PDE10A: variants seen among roughly 807,000 people sequenced by gnomAD.
The protein encoded by PDE10A is phosphodiesterase 10A, also known as cAMP and cAMP-inhibited cGMP 3',5'-cyclic phosphodiesterase 10A.
In PDE10A, 39 loss-of-function variants were observed where a neutral mutation model predicts 97.7. That is an observed-to-expected ratio of 0.40 (90% CI 0.31 to 0.52). The LOEUF (loss-of-function observed/expected upper bound fraction) is 0.52. PDE10A is among the 20% of genes least tolerant of loss of function. PDE10A has a pLI of 0.56. For synonymous variants in PDE10A, 371 were observed against 376.8 expected, an observed-to-expected ratio of 0.98 and a Z score of 0.18; for missense variants, 731 against 1,047.8, an observed-to-expected ratio of 0.70 and a Z score of 4.17.
chr6:165,936,580 G>A (rs541198052), intron 1 of PDE10A, among the ~76,000 whole-genome samples: 3 of 152,310 alleles, frequency 2.0e-5, no homozygotes, highest in African/African-American at 7.2e-5. Context: ...TGTGTGGTGA[G>A]GGGAGCTGCC....
At chr6:165,599,129 G>A (rs1440032154) in intron 1 of PDE10A, among the ~76,000 whole-genome samples, 2 of 152,134 alleles carry the variant, frequency 1.3e-5, no homozygotes, top group African/African-American at 4.8e-5. Flanking sequence ...AATTTTAAAG[G>A]AAATAATCCT....
intron 18 of PDE10A, among the ~76,000 whole-genome samples, chr6:165,344,555 C>T (rs902219996): frequency 6.6e-6 from 1 of 152,150 alleles, no homozygotes; most frequent in Admixed American, 6.5e-5. Flanking sequence ...CCCTAGCTCC[C>T]GAGCCTGTCT....
intron 1 of PDE10A, among the ~76,000 whole-genome samples, chr6:165,943,279 GAAAGAAAGAAA>G (rs1783629435): frequency 8.1e-6 from 1 of 123,814 alleles, no homozygotes; most frequent in African/African-American, 3.5e-5. Flanking sequence ...AGGAAGGAAA[GAAAGAAAGAAA>G]GAAGGAAAGA....
Position 165,538,021 on chromosome 6 carries a change from C to A in PDE10A, c.994+5419G>T, listed in dbSNP as rs922141822. Among the ~76,000 whole-genome samples, 8 of 151,934 alleles carry A rather than the reference C, an allele frequency of 5.3e-5. No individual in the cohort carries two copies. In the East Asian group the frequency reaches 1.5e-3, roughly 29 times the overall value. On this transcript the variant is annotated intron_variant, in intron 2 of 21. Transcript: ENST00000539869. ...AATTTATGCCCCATTAATTTAATAT[C>A]CTTCTTCCGTATATATACTAGCACA... is the stretch of plus-strand genomic sequence containing the variant.
upstream of PDE10A, among the ~76,000 whole-genome samples, chr6:165,664,647 G>A (rs551109942): frequency 6.6e-5 from 10 of 152,258 alleles, no homozygotes; most frequent in South Asian, 2.1e-3. Context: ...CCAGGCTGCC[G>A]GCAGCCTCCC....
At chr6:165,779,818 C>T (rs1213275234) in intron 1 of PDE10A, among the ~76,000 whole-genome samples, 4 of 152,150 alleles carry the variant, frequency 2.6e-5, no homozygotes, top group Non-Finnish European at 2.9e-5. Flanking sequence ...CTTCTTCCCA[C>T]GTGGCCATGG....
At chr6:165,705,105 G>T (rs941806741) in intron 1 of PDE10A, among the ~76,000 whole-genome samples, 3 of 152,232 alleles carry the variant, frequency 2.0e-5, no homozygotes, top group African/African-American at 7.2e-5. Context: ...GCACACCCAG[G>T]GGACACCTGG....
chr6:165,380,697 T>C (rs1414121292), intron 17 of PDE10A, among the ~76,000 whole-genome samples: 2 of 152,204 alleles, frequency 1.3e-5, no homozygotes, highest in Admixed American at 6.5e-5. Flanking sequence ...CGTTTGAGCA[T>C]AGGCTGGTTA....
At chr6:165,672,813 C>T (rs181889358) in intron 1 of PDE10A, among the ~76,000 whole-genome samples, 41 of 152,266 alleles carry the variant, frequency 2.7e-4, no homozygotes, top group African/African-American at 6.7e-4. Flanking sequence ...ATCGTGAAAA[C>T]GGACTAACAC....
chr6:165,659,136 C>T (rs1473978334), intron 1 of PDE10A, among the ~76,000 whole-genome samples: 2 of 152,118 alleles, frequency 1.3e-5, no homozygotes, highest in South Asian at 2.1e-4. Flanking sequence ...TGGACAGAAG[C>T]GGAGCTGGCA....
chr6:165,761,539 C>T (rs1257993342), intron 1 of PDE10A, among the ~76,000 whole-genome samples: 4 of 152,014 alleles, frequency 2.6e-5, no homozygotes, highest in African/African-American at 9.7e-5. Flanking sequence ...AGAAGCCTGG[C>T]TTTTTCTTTA....
At chr6:165,515,533 T>TC (rs1781749334) in intron 2 of PDE10A, among the ~76,000 whole-genome samples, 1 of 148,572 alleles carries the variant, frequency 6.7e-6, no homozygotes, top group African/African-American at 2.5e-5. Flanking sequence ...CTTTTTTTTT[T>TC]TTTTTTTTGA....
At chr6:165,907,145 G>T (rs1245705245) in intron 1 of PDE10A, among the ~76,000 whole-genome samples, 1 of 152,256 alleles carries the variant, frequency 6.6e-6, no homozygotes, top group African/African-American at 2.4e-5. Flanking sequence ...ATATGTAGCA[G>T]GAGACTATTC....
intron 1 of PDE10A, among the ~76,000 whole-genome samples, chr6:165,582,093 T>C (rs563012568): frequency 2.6e-5 from 4 of 152,246 alleles, no homozygotes; most frequent in Admixed American, 1.3e-4. Context: ...ATAAGAACAG[T>C]TGAAGATAAA....
intron 5 of PDE10A, among the ~76,000 whole-genome samples, chr6:165,437,105 T>C (rs1316423986): frequency 1.3e-5 from 2 of 152,166 alleles, no homozygotes; most frequent in African/African-American, 2.4e-5. Context: ...AAGAAGAACA[T>C]GTCATAATAA....
intron 1 of PDE10A, among the ~76,000 whole-genome samples, chr6:165,723,593 A>G (rs1792218040): frequency 6.6e-6 from 1 of 152,206 alleles, no homozygotes; most frequent in Admixed American, 6.5e-5. Context: ...GCATTTCACC[A>G]TGCTCAAAAT....
intron 3 of PDE10A, among the ~76,000 whole-genome samples, chr6:165,475,096 T>C (rs566723735): frequency 2.0e-5 from 3 of 152,266 alleles, no homozygotes; most frequent in African/African-American, 7.2e-5. Flanking sequence ...CACCATGCCC[T>C]GGAACTCACT....
chr6:165,832,421 T>TAA (rs34875193), intron 1 of PDE10A, among the ~76,000 whole-genome samples: 50 of 150,046 alleles, frequency 3.3e-4, no homozygotes, highest in African/African-American at 6.1e-4. Context: ...AATCCTGATT[T>TAA]AAAAAAAAAA....
chr6:165,350,960 G>A (rs532040082), intron 18 of PDE10A, among the ~76,000 whole-genome samples: 13 of 152,030 alleles, frequency 8.6e-5, no homozygotes, highest in African/African-American at 1.2e-4. Flanking sequence ...ACTCAGTCTC[G>A]GCTATGTCTT....
Sources: allele counts gnomAD v4.1 joint callset (sites outside exome capture counted in the v4.1 genomes callset), GRCh38; gene constraint gnomAD v4.1.1; transcripts MANE v1.5; gene names NCBI Gene and HGNC (gene_info 2026-07-23, HGNC 2026-07-21).